The following KCNIP4 variants were observed in gnomAD, a reference collection of about 807,000 sequenced individuals.
The protein encoded by KCNIP4 is potassium voltage-gated channel interacting protein 4.
In KCNIP4, 12 loss-of-function variants were observed where a neutral mutation model predicts 34.0. The ratio of observed to expected loss-of-function variants is 0.35; its 90% CI spans 0.23 to 0.57. KCNIP4 has a LOEUF of 0.57. Among genes scored for constraint, KCNIP4 ranks in the 20% least tolerant of loss-of-function variants. The pLI is 0.83. For synonymous variants in KCNIP4, 124 were observed against 102.2 expected, an observed-to-expected ratio of 1.21 and a Z score of -1.29; for missense variants, 238 against 311.7, an observed-to-expected ratio of 0.76 and a Z score of 1.78.
chr4:21,905,554 G>A (rs1727952210), intron 1 of KCNIP4, among the ~76,000 whole-genome samples: 1 of 152,090 alleles, frequency 6.6e-6, no homozygotes, highest in Non-Finnish European at 1.5e-5. Context: ...CATGTCCTTT[G>A]TAGGGACATG....
intron 1 of KCNIP4, among the ~76,000 whole-genome samples, chr4:21,234,115 T>C (rs1376019875): frequency 1.0e-5 from 1 of 98,094 alleles, no homozygotes; most frequent in Non-Finnish European, 1.8e-5. Context: ...ATAACGTATA[T>C]TATATATAAC....
chr4:21,370,924 A>G (rs139375997), intron 1 of KCNIP4, among the ~76,000 whole-genome samples: 3 of 126,172 alleles, frequency 2.4e-5, no homozygotes, highest in African/African-American at 1.1e-4. Flanking sequence ...ATAGAAAAAG[A>G]AACTAGCAAT....
chr4:21,666,711 C>T (rs1382153679), intron 1 of KCNIP4, among the ~76,000 whole-genome samples: 1 of 151,868 alleles, frequency 6.6e-6, no homozygotes, highest in East Asian at 1.9e-4. Flanking sequence ...GCTTTACAGA[C>T]ATTAAATGAA....
At chr4:21,612,933 A>T (rs746960864) in intron 1 of KCNIP4, among the ~76,000 whole-genome samples, 12 of 152,158 alleles carry the variant, frequency 7.9e-5, no homozygotes, top group Non-Finnish European at 1.6e-4. Context: ...TAGAAGTAAT[A>T]TCATTCTTAG....
chr4:20,764,910 TAAAC>T (rs1755265049), intron 3 of KCNIP4, among the ~76,000 whole-genome samples: 2 of 151,990 alleles, frequency 1.3e-5, no homozygotes, highest in African/African-American at 4.8e-5. Context: ...GAGGATAAAA[TAAAC>T]AACTCCATTC....
intron 1 of KCNIP4, among the ~76,000 whole-genome samples, chr4:21,332,181 T>C (rs958480886): frequency 2.6e-5 from 4 of 152,044 alleles, no homozygotes; most frequent in Non-Finnish European, 5.9e-5. Flanking sequence ...CTCTAGAATA[T>C]AACCTATTCA....
intron 1 of KCNIP4, among the ~76,000 whole-genome samples, chr4:21,500,190 C>T (rs1733198019): frequency 6.6e-6 from 1 of 152,116 alleles, no homozygotes; most frequent in Non-Finnish European, 1.5e-5. Context: ...TCCTACAATA[C>T]TAGCGTTTCG....
intron 3 of KCNIP4, among the ~76,000 whole-genome samples, chr4:20,800,020 G>A (rs542752206): frequency 3.9e-4 from 59 of 152,306 alleles, no homozygotes; most frequent in African/African-American, 1.3e-3. Flanking sequence ...CAAGTCCCAG[G>A]TGTTACAGTA....
chr4:20,789,194 A>G (rs1431697864), intron 3 of KCNIP4, among the ~76,000 whole-genome samples: 3 of 152,186 alleles, frequency 2.0e-5, no homozygotes, highest in East Asian at 1.9e-4. Flanking sequence ...TAAAAACTCT[A>G]TTGCTAAAAC....
chr4:21,400,570 CTTCTCTTCGTT>C (rs1416528239), intron 1 of KCNIP4, among the ~76,000 whole-genome samples: 6 of 57,636 alleles, frequency 1.0e-4, no homozygotes, highest in African/African-American at 2.3e-4. Flanking sequence ...CTTCTCTTCT[CTTCTCTTCGTT>C]CTTTCTTTCT....
intron 1 of KCNIP4, among the ~76,000 whole-genome samples, chr4:21,137,539 T>G (rs530986929): frequency 6.6e-6 from 1 of 152,332 alleles, no homozygotes; most frequent in Non-Finnish European, 1.5e-5. Flanking sequence ...TAGTAAACTC[T>G]TTTAGCATCT....
intron 8 of KCNIP4, 31 bp downstream of exon 8, chr4:20,731,963 TTATGATAGCTGA>T: frequency 6.2e-7 from 1 of 1,610,496 alleles, no homozygotes; most frequent in Non-Finnish European, 8.5e-7. Flanking sequence ...AGTTTAGCTG[TTATGATAGCTGA>T]ATTGATAGTT....
At chr4:21,693,078 A>T (rs1367376349) in intron 1 of KCNIP4, among the ~76,000 whole-genome samples, 2 of 152,032 alleles carry the variant, frequency 1.3e-5, no homozygotes, top group Non-Finnish European at 2.9e-5. Flanking sequence ...ACTTTGTTCA[A>T]GTCTCCGATT....
rs181263599 is a variant in KCNIP4 at position 20,754,873 on chromosome 4, A to G, written c.358+3948T>C. ...TAACTTGATTTGAAATGATTGAAAA[A>G]TAACTTAAAGATTTTCATCTGCATT... On this transcript the variant is annotated intron_variant, in intron 4 of 8. Transcript: ENST00000382152. 4.7e-3 allele frequency among the ~76,000 whole-genome samples: 710 copies of G among 152,346 alleles called. 5 individuals are homozygous for G. Among genetic ancestry groups the G allele is most frequent in the Middle Eastern group, 0.024 (7 of 294 alleles).
At chr4:21,702,524 A>G (rs908638726) in intron 1 of KCNIP4, among the ~76,000 whole-genome samples, 1 of 152,194 alleles carries the variant, frequency 6.6e-6, no homozygotes, top group Non-Finnish European at 1.5e-5. Flanking sequence ...CTTAAAAAAT[A>G]CAAACTAAAA....
chr4:21,866,677 C>T (rs1477503919), intron 1 of KCNIP4, among the ~76,000 whole-genome samples: 2 of 150,212 alleles, frequency 1.3e-5, no homozygotes, highest in African/African-American at 2.4e-5. Flanking sequence ...AAATACTGGT[C>T]AAACTGTATT....
intron 1 of KCNIP4, among the ~76,000 whole-genome samples, chr4:21,929,035 A>T (rs1242643287): frequency 6.6e-6 from 1 of 152,294 alleles, no homozygotes; most frequent in East Asian, 1.9e-4. Context: ...ACTTAGGAGG[A>T]GTAAACTATA....
At chr4:21,498,537 G>A (rs1187286590) in intron 1 of KCNIP4, among the ~76,000 whole-genome samples, 1 of 141,396 alleles carries the variant, frequency 7.1e-6, no homozygotes, top group Non-Finnish European at 1.5e-5. Context: ...TGGATGAACA[G>A]ATTGATGGAT....
At chr4:21,323,464 A>T (rs762989835) in intron 1 of KCNIP4, among the ~76,000 whole-genome samples, 1 of 151,924 alleles carries the variant, frequency 6.6e-6, no homozygotes, top group Non-Finnish European at 1.5e-5. Flanking sequence ...TATCTTCATG[A>T]GTTAAATTGT....
Sources: gnomAD v4.1 joint callset for allele counts (sites outside exome capture counted in the v4.1 genomes callset) on GRCh38, gnomAD v4.1.1 for gene constraint, MANE v1.5 for transcripts, NCBI Gene and HGNC (gene_info 2026-07-23, HGNC 2026-07-21) for gene names.